The following UTRN variants were observed in gnomAD, a reference collection of about 807,000 sequenced individuals.
UTRN encodes utrophin, also known as dystrophin-related protein 1.
Under a neutral mutation model 463.9 loss-of-function variants are expected in UTRN, and 283 were observed. The ratio of observed to expected loss-of-function variants is 0.61; its 90% CI spans 0.55 to 0.67. The LOEUF (loss-of-function observed/expected upper bound fraction) is 0.67. Ranked by LOEUF, UTRN falls within the 30% of genes least tolerant of loss-of-function variation. The pLI is 0.00. For synonymous variants in UTRN, 1,442 were observed against 1,431.5 expected, an observed-to-expected ratio of 1.01 and a Z score of -0.17; for missense variants, 3,922 against 4,084.3, an observed-to-expected ratio of 0.96 and a Z score of 1.08.
Position 144,820,990 on chromosome 6 carries a change from A to G in UTRN, c.9466A>G (p.Thr3156Ala). 1 of 1,613,886 alleles carries G rather than the reference A, an allele frequency of 6.2e-7. No individual in the cohort carries two copies. The highest frequency in any genetic ancestry group is 1.1e-5 in the South Asian group (1 of 91,060). Reference protein sequence around the residue: ...HPRLGYLPVQTVLEGDNLETP... With the variant: ...HPRLGYLPVQAVLEGDNLETP... ...TCGACTTGGTTACCTGCCTGTCCAG[A>G]CAGTTCTTGAAGGTGACAACTTAGA... Residue 3156 changes from threonine to alanine, a missense_variant, in exon 66 of 75, where the codon ACA becomes GCA. Physicochemically the swap from Thr to Ala is moderately conservative, Grantham distance 58. Coordinates refer to ENST00000367545, the MANE Select transcript of UTRN (RefSeq NM_007124.3).
Position 144,435,942 on chromosome 6 carries a change from C to A in UTRN, c.863C>A (p.Ala288Glu), listed in dbSNP as rs545693585. Reference protein sequence around the residue: ...EEEAINIQSTAPEEEHESPRA... With the variant: ...EEEAINIQSTEPEEEHESPRA... The stretch of plus-strand genomic sequence containing the variant: ...TTGGCTTTGTTTTTACAGAGTACAG[C>A]GCCTGAGGAGGAGCATGAGAGTCCC... Residue 288 changes from alanine (A) to glutamate (E), a missense_variant, in exon 10 of 75, where the codon GCG becomes GAG. By Grantham distance (107) the Ala-to-Glu change is moderately radical. Transcript: ENST00000367545. 2 of 1,613,596 alleles carry A rather than the reference C, an allele frequency of 1.2e-6. No individual in the cohort carries two copies. The highest frequency in any genetic ancestry group is 2.7e-5 in the African/African-American group (2 of 74,906).
At chr6:144,544,714 CT>C (rs1326486183) in intron 46 of UTRN, among the ~76,000 whole-genome samples, 2 of 151,916 alleles carry the variant, frequency 1.3e-5, no homozygotes, top group Non-Finnish European at 2.9e-5. Context: ...AAAAAAAAAC[CT>C]TTTTCGTTTT....
intron 16 of UTRN, 140 bp from the exon 17 acceptor site, chr6:144,448,460 T>A (rs1787917476): frequency 1.0e-6 from 1 of 954,308 alleles, no homozygotes; most frequent in Admixed American, 2.8e-5. Flanking sequence ...GGAGACAGAC[T>A]GTGAGGATGA....
chr6:144,632,716 A>G (rs1776656843), intron 51 of UTRN, among the ~76,000 whole-genome samples: 1 of 149,654 alleles, frequency 6.7e-6, no homozygotes, highest in South Asian at 2.1e-4. Context: ...TATATTGTAA[A>G]CTTTTACTTT....
chr6:144,817,543 C>A (rs1484879166), intron 65 of UTRN, among the ~76,000 whole-genome samples: 2 of 151,772 alleles, frequency 1.3e-5, no homozygotes, highest in Admixed American at 1.3e-4. Flanking sequence ...CCAAACCAAA[C>A]CATTACTTTA....
intron 51 of UTRN, chr6:144,583,518 C>T (rs905710567): frequency 1.8e-5 from 13 of 715,868 alleles, no homozygotes; most frequent in African/African-American, 7.0e-5. Context: ...GTGGTGAGAA[C>T]GTCTCTGCAG....
chr6:144,724,700 A>G (rs1787659266), intron 53 of UTRN, among the ~76,000 whole-genome samples: 1 of 151,992 alleles, frequency 6.6e-6, no homozygotes, highest in Non-Finnish European at 1.5e-5. Context: ...ATGCCCTTTC[A>G]TGTCTAGCTT....
At chr6:144,724,378 G>A (rs1397704018) in intron 53 of UTRN, among the ~76,000 whole-genome samples, 2 of 151,492 alleles carry the variant, frequency 1.3e-5, no homozygotes, top group African/African-American at 4.9e-5. Flanking sequence ...ACAGGCACCC[G>A]CCACCACGCC....
rs1222311410 is a variant in UTRN at position 144,852,530 on chromosome 6, T to C, written c.*1533T>C. ...TGGGTTGGGGGGCAAGGGTGTCTAT[T>C]TGCAGCAGAGATATTTTGAAAAGAA... On this transcript the variant is annotated 3_prime_UTR_variant, in exon 75 of 75. Coordinates refer to ENST00000367545, the MANE Select transcript of UTRN (RefSeq NM_007124.3). The C allele has an allele frequency of 6.6e-6, 1 of 152,614 alleles. No individual in the cohort carries two copies. The highest frequency in any genetic ancestry group is 1.5e-5 in the Non-Finnish European group (1 of 68,026). The allele number at this position is 152,614 out of a possible 1,614,324, so 9.5% of individuals were successfully genotyped here.
intron 39 of UTRN, among the ~76,000 whole-genome samples, chr6:144,519,843 C>T (rs988941040): frequency 6.6e-6 from 1 of 152,172 alleles, no homozygotes; most frequent in Non-Finnish European, 1.5e-5. Flanking sequence ...TTCAGGTACA[C>T]GTGGTCTTGC....
chr6:144,523,460 C>A (rs560388904), intron 41 of UTRN, among the ~76,000 whole-genome samples: 77 of 152,280 alleles, frequency 5.1e-4, no homozygotes, highest in African/African-American at 1.8e-3. Context: ...CAGGCGCACA[C>A]CACCACGCCT....
chr6:144,794,690 A>T (rs1013769326), intron 63 of UTRN, among the ~76,000 whole-genome samples: 2 of 152,206 alleles, frequency 1.3e-5, no homozygotes, highest in Non-Finnish European at 2.9e-5. Context: ...GTAACAAAAT[A>T]CCATAAACTG....
intron 51 of UTRN, among the ~76,000 whole-genome samples, chr6:144,645,470 GA>G (rs1267874182): frequency 2.6e-5 from 4 of 152,164 alleles, no homozygotes; most frequent in African/African-American, 9.7e-5. Context: ...AGAAGGAACA[GA>G]GAAAACACAA....
Position 144,296,389 on chromosome 6 carries a change from C to T in UTRN, c.79+4482C>T, listed in dbSNP as rs117196044. Among the ~76,000 whole-genome samples the T allele has an allele frequency of 1.2e-3, 179 of 152,338 alleles. No individual in the cohort carries two copies. The East Asian group carries it at 0.03, about 25-fold the overall frequency. ...AACAGTTTCATCCCAAAACCATCCC[C>T]CTCATCCCTTGGAAAAATTGTCTGC... is the stretch of plus-strand genomic sequence containing the variant. On this transcript the variant is annotated intron_variant, in intron 2 of 74. Coordinates refer to ENST00000367545, the MANE Select transcript of UTRN (RefSeq NM_007124.3).
At chr6:144,707,220 G>C (rs1322002218) in intron 53 of UTRN, among the ~76,000 whole-genome samples, 1 of 152,086 alleles carries the variant, frequency 6.6e-6, no homozygotes, top group Non-Finnish European at 1.5e-5. Flanking sequence ...CCATATCTAA[G>C]ATTTTTTTCA....
At chr6:144,371,149 CT>C (rs1023653422) in intron 2 of UTRN, among the ~76,000 whole-genome samples, 1 of 152,146 alleles carries the variant, frequency 6.6e-6, no homozygotes, top group African/African-American at 2.4e-5. Context: ...TCCCCACTGA[CT>C]TTTTTTGTTT....
intron 50 of UTRN, among the ~76,000 whole-genome samples, chr6:144,569,896 A>G (rs9376824): frequency 0.15 from 23,086 of 152,114 alleles, 3,048 homozygotes; most frequent in East Asian, 0.54. Flanking sequence ...AGTGGCTATG[A>G]GTCAAGCAAT....
rs748250479 is a variant in UTRN, at chr6:144,836,311, G to T, written c.9835G>T (p.Val3279Leu). The change falls in exon 71 of 75, where the codon GTG becomes TTG. Residue 3279 changes from valine to leucine, a missense_variant. Val to Leu is a conservative substitution (Grantham distance 32, BLOSUM62 1). Around this residue, in one of 3 missense-constraint regions of UTRN, gnomAD observed 1,309 missense variants for 1,452.6 expected, o/e 0.90. Coordinates refer to ENST00000367545, the MANE Select transcript of UTRN (RefSeq NM_007124.3). ...DLEEEQRNLQ[V>L]EYEQLKDQHL... is the part of the protein sequence containing the mutation. ...CTCTTTCTGTATTAGAAATCTACAG[G>T]TGGAGTATGAGCAGCTGAAGGACCA... 1.9e-6 allele frequency: 3 copies of T among 1,614,104 alleles called. No homozygotes were observed. In the Admixed American group the frequency reaches 5.0e-5, roughly 27 times the overall value.
intron 2 of UTRN, among the ~76,000 whole-genome samples, chr6:144,342,407 C>T (rs980801664): frequency 2.0e-5 from 3 of 151,354 alleles, no homozygotes; most frequent in African/African-American, 7.3e-5. Context: ...AAATGTATGC[C>T]CACATCAAAA....
Sources: gnomAD v4.1 joint callset for allele counts (sites outside exome capture counted in the v4.1 genomes callset) on GRCh38, gnomAD v4.1.1 for gene constraint, gnomAD v4.1.1 regional missense constraint, MANE v1.5 for transcripts, NCBI Gene and HGNC (gene_info 2026-07-23, HGNC 2026-07-21) for gene names.